Variants in DNHD1 observed in about 807,000 individuals in gnomAD.
DNHD1 encodes dynein heavy chain domain 1.
Under a neutral mutation model 458.1 loss-of-function variants are expected in DNHD1, and 383 were observed. That is an observed-to-expected ratio of 0.84 (90% CI 0.77 to 0.91). The LOEUF (loss-of-function observed/expected upper bound fraction) is 0.91. Among genes scored for constraint, DNHD1 ranks in the 40% least tolerant of loss-of-function variants. DNHD1 has a pLI of 0.00. For missense variants in DNHD1, 5,336 were observed against 5,866.1 expected, an observed-to-expected ratio of 0.91 and a Z score of 2.95; for synonymous variants, 2,203 against 2,376.9, an observed-to-expected ratio of 0.93 and a Z score of 2.13.
chr11:6,565,726 G>C lies in DNHD1; in HGVS notation c.10788G>C (p.Glu3596Asp). Residue 3596 changes from glutamate to aspartate, a missense_variant, in exon 33 of 43, where the codon GAG (glutamate) becomes GAC (aspartate). By Grantham distance (45) the Glu-to-Asp change is conservative (BLOSUM62 2). Coordinates refer to ENST00000254579, the MANE Select transcript of DNHD1 (RefSeq NM_144666.3). ...GKGLMRNQKR[E>D]SKTDMKEEDD... Reference sequence around the variant, plus strand: ...GCCTCATGAGAAATCAAAAGAGAGAGAGTAAAACGGACATGAAAGAGGAAG... The same window carrying C: ...GCCTCATGAGAAATCAAAAGAGAGACAGTAAAACGGACATGAAAGAGGAAG... 1.9e-6 allele frequency: 3 copies of C among 1,550,388 alleles called. No individual in the cohort carries two copies. Among genetic ancestry groups the C allele is most frequent in the Non-Finnish European group, 2.6e-6 (3 of 1,146,762 alleles).
rs1386312307 is a variant in DNHD1, at chr11:6,565,945, T to G, written c.11007T>G (p.Gly3669=). ...TTCCCTACCTTAGTGTTCTTTCAGGTGCTGACCCAGAGCTGGGTTCTCAGC... is the reference window on the plus strand; with the variant it reads ...TTCCCTACCTTAGTGTTCTTTCAGGGGCTGACCCAGAGCTGGGTTCTCAGC... ...PSLPYLSVLS[G]ADPELGSQLQ... Residue 3669 remains glycine (G), a synonymous_variant, in exon 33 of 43, where the codon GGT becomes GGG. Coordinates refer to ENST00000254579, the MANE Select transcript of DNHD1 (RefSeq NM_144666.3). 6.4e-7 allele frequency: 1 copy of G among 1,551,652 alleles called. No homozygotes were observed. The highest frequency in any genetic ancestry group is 2.4e-5 in the East Asian group (1 of 40,918).
Position 6,567,248 on chromosome 11 carries a change from C to T in DNHD1, c.11739C>T (p.His3913=). The T allele has an allele frequency of 6.2e-7, 1 of 1,614,020 alleles. No individual in the cohort carries two copies. The highest frequency in any genetic ancestry group is 8.5e-7 in the Non-Finnish European group (1 of 1,179,904). The part of the protein sequence containing the change: ...LASHLLQLRA[H]LTRQLLGSTV... Reference sequence around the variant, plus strand: ...GCCATCTACTGCAATTGAGAGCACACCTGACCCGCCAGCTGCTGGGCAGCA... The same window carrying T: ...GCCATCTACTGCAATTGAGAGCACATCTGACCCGCCAGCTGCTGGGCAGCA... The change falls in exon 36 of 43, where the codon CAC becomes CAT. Residue 3913 remains histidine (H), a synonymous_variant. Transcript: ENST00000254579.
intron 10 of DNHD1, 77 bp from the exon 11 acceptor site, chr11:6,528,443 ACT>A: frequency 9.6e-6 from 14 of 1,459,534 alleles, no homozygotes; most frequent in South Asian, 2.8e-5. Flanking sequence ...GTGTACACAC[ACT>A]GAGGGCAAGG....
At position 6,571,426 on chromosome 11, in the gene DNHD1, A is replaced by G. The variant is rs767094960; in HGVS notation, c.13911+3A>G. On this transcript the variant is annotated splice_donor_region_variant and intron_variant, in intron 42 of 42. Transcript: ENST00000254579. The surrounding 1 kb of genome is among the most constrained non-coding windows in gnomAD (Gnocchi z 5.0). Reference sequence around the variant, plus strand: ...ACAGCAACCCTCTGCACTTCAGGGTATCTTCGCGCCGCCCCTCGTTCGCGG... The same window carrying G: ...ACAGCAACCCTCTGCACTTCAGGGTGTCTTCGCGCCGCCCCTCGTTCGCGG... The G allele has an allele frequency of 3.8e-6, 6 of 1,581,968 alleles. No homozygotes were observed. The highest frequency in any genetic ancestry group is 5.2e-6 in the Non-Finnish European group (6 of 1,159,628).
chr11:6,571,339 GA>G lies in DNHD1; in HGVS notation c.13829del (p.Asn4610IlefsTer20). The stretch of plus-strand genomic sequence containing the variant: ...CCCTGGACCAGAATGTGCCCAGCTC[GA>G]ATTTCCCTGGTAGCCGAGGCTCGGT... ...AALDQNVPSS[N>X]FPGSRGSVSS... On this transcript the variant is annotated frameshift_variant, in exon 42 of 43. Coordinates refer to ENST00000254579, the MANE Select transcript of DNHD1 (RefSeq NM_144666.3). LOFTEE classifies it high-confidence loss of function. The surrounding 1 kb of genome is among the most constrained non-coding windows in gnomAD (Gnocchi z 5.0). The G allele has an allele frequency of 6.2e-7, 1 of 1,612,406 alleles. No individual in the cohort carries two copies.
intron 33 of DNHD1, 122 bp from the exon 34 acceptor site, chr11:6,566,119 C>T (rs998755634): frequency 7.5e-6 from 11 of 1,476,094 alleles, no homozygotes; most frequent in Admixed American, 2.2e-5. Context: ...TATATTGAAG[C>T]GTCTTGTGGG....
In DNHD1 at chr11:6,548,744, G is replaced by T. The variant is rs1478016751; in HGVS notation, c.7198G>T (p.Val2400Leu). The change falls in exon 24 of 43, where the codon GTG (valine) becomes TTG (leucine). Residue 2400 changes from valine to leucine, a missense_variant. Transcript: ENST00000254579. This position sits in a 1 kb window ranked among gnomAD's most constrained non-coding sequence, Gnocchi z 4.4. ...AATGKSAFVE[V>L]LVEPHHPYIY... Reference sequence around the variant, plus strand: ...AACAGGGAAGTCAGCCTTTGTGGAGGTGCTGGTAGAGCCACATCACCCTTA... The same window carrying T: ...AACAGGGAAGTCAGCCTTTGTGGAGTTGCTGGTAGAGCCACATCACCCTTA... 4 of 1,551,644 alleles carry T rather than the reference G, an allele frequency of 2.6e-6. No individual in the cohort carries two copies. Among genetic ancestry groups the T allele is most frequent in the Non-Finnish European group, 3.5e-6 (4 of 1,146,994 alleles).
Position 6,509,190 on chromosome 11 carries a change from C to G in DNHD1, c.1153C>G (p.Leu385Val). Residue 385 changes from leucine to valine, a missense_variant, in exon 6 of 43, where the codon CTG (leucine) becomes GTG (valine). Physicochemically the swap from Leu to Val is conservative, Grantham distance 32. Transcript: ENST00000254579. ...GAAGAAGAATGTGAGATTACAGGGG[C>G]TGCATCGACTCCAGAAATTCCTAGA... ...CWKKNVRLQGLHRLQKFLENH... is the reference protein window; with the variant it reads ...CWKKNVRLQGVHRLQKFLENH... 1 of 1,614,218 alleles carries G rather than the reference C, an allele frequency of 6.2e-7. No homozygotes were observed. Among genetic ancestry groups the G allele is most frequent in the Non-Finnish European group, 8.5e-7 (1 of 1,180,026 alleles).
intron 24 of DNHD1, among the ~76,000 whole-genome samples, chr11:6,555,122 A>G (rs1036016116): frequency 3.3e-5 from 5 of 152,080 alleles, no homozygotes; most frequent in South Asian, 2.1e-4. Flanking sequence ...TTGCCTGAAA[A>G]CTTAAAATGA....
Position 6,544,159 on chromosome 11 carries a change from C to T in DNHD1, c.3667C>T (p.Gln1223Ter). The change falls in exon 19 of 43, where the codon CAG becomes TAG. Residue 1223 changes from glutamine (Q) to a stop codon, truncating the protein, a stop_gained. Transcript: ENST00000254579. LOFTEE classifies it high-confidence loss of function. ...NLQDSIQESL[Q>*]VLSKILAIEK... is the part of the protein sequence containing the mutation. ...GCAGGATTCCATCCAGGAAAGTCTTCAGGTGTTGTCCAAGATCTTGGCCAT... is the reference window on the plus strand; with the variant it reads ...GCAGGATTCCATCCAGGAAAGTCTTTAGGTGTTGTCCAAGATCTTGGCCAT... 6.4e-7 allele frequency: 1 copy of T among 1,551,608 alleles called. No individual in the cohort carries two copies. Among genetic ancestry groups the T allele is most frequent in the Non-Finnish European group, 8.7e-7 (1 of 1,146,954 alleles).
chr11:6,556,548 C>G (rs1299915466), intron 24 of DNHD1, 135 bp from the exon 25 acceptor site: 1 of 819,754 alleles, frequency 1.2e-6, no homozygotes, highest in African/African-American at 1.7e-5. Flanking sequence ...ATAGCTTACT[C>G]AAATGTGACC....
At position 6,565,826 on chromosome 11, in the gene DNHD1, C is replaced by T. The variant is rs1264641079; in HGVS notation, c.10888C>T (p.Gln3630Ter). ...GAAGGCAGAGGAAAGAAAAAATGAG[C>T]AGGAGAAAGAGCAAGAGGAAAATGA... ...EQKAEERKNEQEKEQEENEEK... is the reference protein window; with the variant it reads ...EQKAEERKNE The change falls in exon 33 of 43, where the codon CAG becomes TAG. Residue 3630 changes from glutamine (Q) to a stop codon, truncating the protein, a stop_gained. Transcript: ENST00000254579. LOFTEE classifies it high-confidence loss of function. The T allele has an allele frequency of 6.4e-7, 1 of 1,551,462 alleles. No homozygotes were observed. The highest frequency in any genetic ancestry group is 2.0e-5 in the Admixed American group (1 of 50,972).
At chr11:6,530,030 T>C (rs1271223752) in intron 12 of DNHD1, among the ~76,000 whole-genome samples, 1 of 152,202 alleles carries the variant, frequency 6.6e-6, no homozygotes, top group Admixed American at 6.5e-5. Context: ...AATTCTCTGC[T>C]ATCATCTATA....
At chr11:6,518,741 A>T (rs1020151744) in intron 7 of DNHD1, among the ~76,000 whole-genome samples, 1 of 152,198 alleles carries the variant, frequency 6.6e-6, no homozygotes, top group Non-Finnish European at 1.5e-5. Flanking sequence ...GGAAGAAAAC[A>T]TCTCACTTAG....
chr11:6,535,913 A>G (rs570058428), intron 14 of DNHD1, among the ~76,000 whole-genome samples: 1 of 152,308 alleles, frequency 6.6e-6, no homozygotes, highest in South Asian at 2.1e-4. Context: ...TGTTGTAAAA[A>G]AAAAGAAAGA....
At chr11:6,539,436 G>C in intron 17 of DNHD1, 123 bp downstream of exon 17, 2 of 715,320 alleles carry the variant, frequency 2.8e-6, no homozygotes, top group Non-Finnish European at 4.8e-6. Context: ...TAACCTGCCT[G>C]AAGGGCAGGA....
intron 31 of DNHD1, 43 bp from the exon 32 acceptor site, chr11:6,564,290 C>G (rs770859523): frequency 1.3e-6 from 2 of 1,496,242 alleles, no homozygotes; most frequent in South Asian, 1.3e-5. Flanking sequence ...CCTGCACCCT[C>G]CTCACTGGCC....
chr11:6,539,917 T>C lies in DNHD1; in HGVS notation c.3462T>C (p.Thr1154=), dbSNP rs1170113425. ...ATGAACGAATTCATGCCCAAGAGAC[T>C]ATACGGCGGTTGCAGCGGTACTGGG... ...NENERIHAQE[T]IRRLQRYWEA... Residue 1154 remains threonine (T), a synonymous_variant, in exon 18 of 43, where the codon ACT becomes ACC. Coordinates refer to ENST00000254579, the MANE Select transcript of DNHD1 (RefSeq NM_144666.3). 5 of 1,551,608 alleles carry C rather than the reference T, an allele frequency of 3.2e-6. No individual in the cohort carries two copies. In the South Asian group the frequency reaches 4.8e-5, roughly 15 times the overall value.
intron 24 of DNHD1, among the ~76,000 whole-genome samples, chr11:6,552,905 TC>T (rs1853391131): frequency 6.6e-6 from 1 of 152,168 alleles, no homozygotes; most frequent in Non-Finnish European, 1.5e-5. Context: ...ATGAACAGCC[TC>T]ATACCTAAGA....
Sources: allele counts gnomAD v4.1 joint callset (sites outside exome capture counted in the v4.1 genomes callset), GRCh38; gene constraint gnomAD v4.1.1; non-coding constraint Gnocchi (gnomAD v3.1); transcripts MANE v1.5; gene names NCBI Gene and HGNC (gene_info 2026-07-23, HGNC 2026-07-21).